TMEM131: variants seen among roughly 807,000 people sequenced by gnomAD.
The protein encoded by TMEM131 is 2610524E03Rik.
TMEM131 carries 66 observed loss-of-function variants against 211.6 expected under a neutral mutation model. That is an observed-to-expected ratio of 0.31 (90% confidence interval 0.26 to 0.38). The LOEUF (loss-of-function observed/expected upper bound fraction) is 0.38, where lower values mean the gene tolerates loss of function less well. TMEM131 is among the 10% of genes least tolerant of loss of function. TMEM131 has a pLI of 1.00. For missense variants in TMEM131, 2,036 were observed against 2,299.3 expected, an observed-to-expected ratio of 0.89 and a Z score of 2.34; for synonymous variants, 844 against 841.3, an observed-to-expected ratio of 1.00 and a Z score of -0.06.
At chr2:97,790,896 TCAATA>T (rs1336577204) in intron 31 of TMEM131, among the ~76,000 whole-genome samples, 1 of 152,222 alleles carries the variant, frequency 6.6e-6, no homozygotes, top group Non-Finnish European at 1.5e-5. Flanking sequence ...CCAAGAGAAC[TCAATA>T]GAGCTAGTTT....
intron 7 of TMEM131, among the ~76,000 whole-genome samples, chr2:97,838,409 C>T (rs1461472357): frequency 7.2e-6 from 1 of 139,626 alleles, no homozygotes; most frequent in Admixed American, 7.4e-5. Context: ...AGAAAAATGG[C>T]AATTCTTAAG....
chr2:97,935,201 T>G lies in TMEM131; in HGVS notation c.188-7714A>C, dbSNP rs1447202352. On this transcript the variant is annotated intron_variant, in intron 1 of 40. Coordinates refer to ENST00000186436, the MANE Select transcript of TMEM131 (RefSeq NM_015348.2). Reference sequence around the variant, plus strand: ...AATCCAATAAGCAAGTGAAAAGATGTTCAACATCATTAACCATCAGGGAAA... The same window carrying G: ...AATCCAATAAGCAAGTGAAAAGATGGTCAACATCATTAACCATCAGGGAAA... Among the ~76,000 whole-genome samples the G allele has an allele frequency of 2.6e-5, 4 of 152,280 alleles. No homozygotes were observed. In the East Asian group the frequency reaches 7.7e-4, roughly 29 times the overall value.
intron 1 of TMEM131, among the ~76,000 whole-genome samples, chr2:97,928,946 T>C (rs1169626427): frequency 1.3e-5 from 2 of 151,896 alleles, no homozygotes; most frequent in African/African-American, 2.4e-5. Context: ...TAGATGTGTA[T>C]ATTCATAGGT....
intron 3 of TMEM131, among the ~76,000 whole-genome samples, chr2:97,908,445 G>A (rs1339669063): frequency 3.9e-5 from 6 of 152,162 alleles, no homozygotes; most frequent in Admixed American, 6.5e-5. Flanking sequence ...CTTCGTACAC[G>A]ACAGGGGAGG....
rs1201519766 is a variant in TMEM131 at position 97,762,130 on chromosome 2, G to C, written c.4794C>G (p.Thr1598=). Residue 1598 remains threonine, a synonymous_variant, in exon 36 of 41, where the codon ACC becomes ACG. Transcript: ENST00000186436. ...GAGACGGGGAAGCAGGTGTCGGTGA[G>C]GTCTGGCGTTGTTTTAAGAAAATGT... ...NADIFLKQRQ[T]SPTPASPSPP... 2 of 1,613,858 alleles carry C rather than the reference G, an allele frequency of 1.2e-6. No individual in the cohort carries two copies. Among genetic ancestry groups the C allele is most frequent in the Admixed American group, 1.7e-5 (1 of 60,000 alleles).
rs189235242 is a variant in TMEM131, at chr2:97,992,230, A to G, written c.187+3246T>C. 3.0e-3 allele frequency among the ~76,000 whole-genome samples: 450 copies of G among 151,914 alleles called. 1 individual carries two copies. The highest frequency in any genetic ancestry group is 4.2e-3 in the Non-Finnish European group (286 of 67,940). ...GTTTGGTTAAGAAAAAGTAAATAAC[A>G]CTCCTAGTCAATTTGGCTACCCTTA... On this transcript the variant is annotated intron_variant, in intron 1 of 40. Coordinates refer to ENST00000186436, the MANE Select transcript of TMEM131 (RefSeq NM_015348.2).
At chr2:97,871,674 C>G (rs1386605296) in intron 4 of TMEM131, among the ~76,000 whole-genome samples, 1 of 152,220 alleles carries the variant, frequency 6.6e-6, no homozygotes, top group East Asian at 1.9e-4. Flanking sequence ...CATCCTCAAC[C>G]AATCAACATT....
At chr2:97,776,172 G>A (rs1299693885) in intron 31 of TMEM131, among the ~76,000 whole-genome samples, 154 bp from the exon 32 acceptor site, 2 of 152,040 alleles carry the variant, frequency 1.3e-5, no homozygotes, top group Non-Finnish European at 1.5e-5. Flanking sequence ...TCCTGCCTCA[G>A]CCTCCTGAGT....
At chr2:97,974,197 TG>T (rs1209142834) in intron 1 of TMEM131, among the ~76,000 whole-genome samples, 2 of 151,998 alleles carry the variant, frequency 1.3e-5, no homozygotes, top group African/African-American at 4.8e-5. Flanking sequence ...ATTTGTGAGA[TG>T]AAAAAAATGT....
chr2:97,779,737 C>T lies in TMEM131; in HGVS notation c.4145-3719G>A, dbSNP rs150595089. Among the ~76,000 whole-genome samples the T allele has an allele frequency of 3.5e-3, 536 of 152,340 alleles. 1 individual carries two copies. The highest frequency in any genetic ancestry group is 6.1e-3 in the Non-Finnish European group (416 of 68,034). On this transcript the variant is annotated intron_variant, in intron 31 of 40. Transcript: ENST00000186436. ...TATGGTCAATTTAGGAATCCCAGGG[C>T]TGGGCGCAGCAGTGGCCTGTAATCC...
intron 2 of TMEM131, among the ~76,000 whole-genome samples, chr2:97,925,036 C>A (rs1389025959): frequency 3.9e-5 from 6 of 152,084 alleles, no homozygotes; most frequent in Non-Finnish European, 7.4e-5. Flanking sequence ...TGTGCCAACA[C>A]ACCTGGCTAA....
At chr2:97,902,282 A>T (rs1675888310) in intron 3 of TMEM131, among the ~76,000 whole-genome samples, 1 of 152,234 alleles carries the variant, frequency 6.6e-6, no homozygotes, top group African/African-American at 2.4e-5. Flanking sequence ...TAAAGAAAAA[A>T]CATGAACTCT....
chr2:97,944,709 G>A (rs925188406), intron 1 of TMEM131, among the ~76,000 whole-genome samples: 3 of 151,968 alleles, frequency 2.0e-5, no homozygotes, highest in Non-Finnish European at 4.4e-5. Context: ...ATACATACAC[G>A]AAAAGACGCT....
chr2:97,942,633 GAACA>G (rs146465126), intron 1 of TMEM131, among the ~76,000 whole-genome samples: 1,586 of 152,110 alleles, frequency 0.01, 34 homozygotes, highest in African/African-American at 0.036. Context: ...TACATGAAAT[GAACA>G]AATAACTAGA....
At chr2:97,972,103 GA>G (rs1462001586) in intron 1 of TMEM131, among the ~76,000 whole-genome samples, 1 of 152,088 alleles carries the variant, frequency 6.6e-6, no homozygotes, top group Non-Finnish European at 1.5e-5. Flanking sequence ...AGCTACTCGG[GA>G]GGCTGAGGCA....
chr2:97,782,967 T>TAA (rs559411882), intron 31 of TMEM131, among the ~76,000 whole-genome samples: 8 of 130,816 alleles, frequency 6.1e-5, no homozygotes, highest in African/African-American at 1.4e-4. Context: ...TATATAGACT[T>TAA]AAAAAAAAAA....
chr2:97,866,173 GC>G (rs2105203864), intron 4 of TMEM131, among the ~76,000 whole-genome samples: 1 of 152,318 alleles, frequency 6.6e-6, no homozygotes, highest in South Asian at 2.1e-4. Flanking sequence ...GAGCCGCCGT[GC>G]CCAGCCACTT....
At chr2:97,768,891 C>A (rs1026988464) in intron 33 of TMEM131, among the ~76,000 whole-genome samples, 1 of 143,858 alleles carries the variant, frequency 7.0e-6, no homozygotes, top group African/African-American at 2.5e-5. Flanking sequence ...TGTGAGCCAC[C>A]GTGCCCAGAC....
At chr2:97,834,564 T>C in intron 10 of TMEM131, 57 bp downstream of exon 10, 1 of 1,295,092 alleles carries the variant, frequency 7.7e-7, no homozygotes, top group Non-Finnish European at 1.0e-6. Context: ...CAGCACTGAA[T>C]ACAGGGGTTA....
Sources: gnomAD v4.1 joint callset for allele counts (sites outside exome capture counted in the v4.1 genomes callset) on GRCh38, gnomAD v4.1.1 for gene constraint, MANE v1.5 for transcripts, NCBI Gene and HGNC (gene_info 2026-07-23, HGNC 2026-07-21) for gene names.